Variants in MAP4K3 observed in about 807,000 individuals in gnomAD.
MAP4K3 encodes mitogen-activated protein kinase kinase kinase kinase 3, also known as MAPK/ERK kinase kinase kinase 3.
In MAP4K3, 94 loss-of-function variants were observed where a neutral mutation model predicts 143.5. The observed-to-expected ratio is 0.65, with a 90% confidence interval of 0.55 to 0.78. The LOEUF (loss-of-function observed/expected upper bound fraction) is 0.78. Among genes scored for constraint, MAP4K3 ranks in the 30% least tolerant of loss-of-function variants. The pLI is 0.00. For synonymous variants in MAP4K3, 416 were observed against 347.2 expected, an observed-to-expected ratio of 1.20 and a Z score of -2.20; for missense variants, 1,077 against 1,068.1, an observed-to-expected ratio of 1.01 and a Z score of -0.12.
chr2:39,293,120 T>C, intron 17 of MAP4K3, 110 bp downstream of exon 17: 1 of 833,834 alleles, frequency 1.2e-6, no homozygotes, highest in Non-Finnish European at 1.9e-6. Context: ...CTATCTCTAT[T>C]AAAGAAAAAA....
At chr2:39,383,234 G>A (rs758585985) in intron 1 of MAP4K3, among the ~76,000 whole-genome samples, 1 of 152,148 alleles carries the variant, frequency 6.6e-6, no homozygotes, top group African/African-American at 2.4e-5. Context: ...ATTCCGCAGG[G>A]TTGGGAAGCC....
Position 39,418,292 on chromosome 2 carries a change from C to G in MAP4K3, c.96+18600G>C, listed in dbSNP as rs550175492. 8.9e-4 allele frequency among the ~76,000 whole-genome samples: 135 copies of G among 151,626 alleles called. 1 individual carries two copies. Among genetic ancestry groups the G allele is most frequent in the African/African-American group, 3.0e-3 (124 of 41,372 alleles). ...CTCCCAATGGCTAAGTTGGAGCAATCTGGGCAACAAAATAAATCATGTAGT... is the reference window on the plus strand; with the variant it reads ...CTCCCAATGGCTAAGTTGGAGCAATGTGGGCAACAAAATAAATCATGTAGT... On this transcript the variant is annotated intron_variant, in intron 1 of 33. Coordinates refer to ENST00000263881, the MANE Select transcript of MAP4K3 (RefSeq NM_003618.4).
At chr2:39,344,783 A>G (rs780297877) in intron 3 of MAP4K3, among the ~76,000 whole-genome samples, 8 of 152,216 alleles carry the variant, frequency 5.3e-5, no homozygotes, top group Non-Finnish European at 1.0e-4. Context: ...GAAATTTACC[A>G]GGGAGAGACA....
intron 21 of MAP4K3, among the ~76,000 whole-genome samples, chr2:39,285,737 C>T (rs1681745828): frequency 6.6e-6 from 1 of 152,066 alleles, no homozygotes; most frequent in Non-Finnish European, 1.5e-5. Flanking sequence ...CTAGAAATTT[C>T]TATAAAAATA....
intron 1 of MAP4K3, among the ~76,000 whole-genome samples, chr2:39,422,052 G>C (rs1667563152): frequency 6.6e-6 from 1 of 151,068 alleles, no homozygotes; most frequent in Non-Finnish European, 1.5e-5. Flanking sequence ...CCACCAACTT[G>C]AGAAGAGGGA....
intron 1 of MAP4K3, among the ~76,000 whole-genome samples, chr2:39,428,441 A>T (rs1476986690): frequency 6.6e-6 from 1 of 152,180 alleles, no homozygotes; most frequent in Non-Finnish European, 1.5e-5. Context: ...TGGGAGGCTG[A>T]GGCAGGTGAT....
At chr2:39,417,639 G>C (rs938777588) in intron 1 of MAP4K3, among the ~76,000 whole-genome samples, 1 of 152,198 alleles carries the variant, frequency 6.6e-6, no homozygotes, top group Non-Finnish European at 1.5e-5. Flanking sequence ...AACAGATACA[G>C]ACAGAGAGAT....
intron 2 of MAP4K3, among the ~76,000 whole-genome samples, chr2:39,368,355 G>A (rs1279789723): frequency 6.6e-6 from 1 of 152,090 alleles, no homozygotes; most frequent in Non-Finnish European, 1.5e-5. Flanking sequence ...CCACCAACAA[G>A]AACAATGACA....
chr2:39,297,398 G>A (rs1028914111), intron 16 of MAP4K3, among the ~76,000 whole-genome samples: 1 of 152,268 alleles, frequency 6.6e-6, no homozygotes, highest in East Asian at 1.9e-4. Context: ...GATTACAGGC[G>A]TGAGTCACCA....
chr2:39,251,514 T>C (rs749065647), intron 33 of MAP4K3, among the ~76,000 whole-genome samples: 1 of 152,140 alleles, frequency 6.6e-6, no homozygotes, highest in Non-Finnish European at 1.5e-5. Context: ...TCAGAACAGG[T>C]CTCCAAAATC....
chr2:39,379,524 A>T (rs1328842968), intron 1 of MAP4K3, among the ~76,000 whole-genome samples: 1 of 152,112 alleles, frequency 6.6e-6, no homozygotes, highest in African/African-American at 2.4e-5. Flanking sequence ...ATAAATGATG[A>T]AATAGAAATA....
intron 1 of MAP4K3, among the ~76,000 whole-genome samples, chr2:39,394,095 G>C (rs1207454375): frequency 6.6e-6 from 1 of 152,114 alleles, no homozygotes; most frequent in Non-Finnish European, 1.5e-5. Flanking sequence ...AGAAACTTTT[G>C]TTATGCTTTA....
intron 1 of MAP4K3, among the ~76,000 whole-genome samples, chr2:39,395,759 G>A (rs1316100253): frequency 6.6e-6 from 1 of 152,058 alleles, no homozygotes; most frequent in Non-Finnish European, 1.5e-5. Flanking sequence ...ACTCAAATAT[G>A]CTACATTATA....
intron 21 of MAP4K3, among the ~76,000 whole-genome samples, chr2:39,286,228 C>T (rs1313276687): frequency 1.3e-5 from 2 of 152,184 alleles, no homozygotes; most frequent in African/African-American, 4.8e-5. Context: ...AACCTAGATC[C>T]CTTGCATGCA....
chr2:39,369,528 T>C (rs1461797479), intron 2 of MAP4K3, among the ~76,000 whole-genome samples: 1 of 152,196 alleles, frequency 6.6e-6, no homozygotes, highest in Non-Finnish European at 1.5e-5. Context: ...ACATAGAGCA[T>C]ACTACTCTAG....
At chr2:39,395,230 A>T (rs1234769786) in intron 1 of MAP4K3, among the ~76,000 whole-genome samples, 1 of 152,160 alleles carries the variant, frequency 6.6e-6, no homozygotes, top group Non-Finnish European at 1.5e-5. Context: ...GTTGTATAAA[A>T]ATTACCAAAG....
At chr2:39,298,669 T>C (rs1378654332) in intron 16 of MAP4K3, among the ~76,000 whole-genome samples, 1 of 152,064 alleles carries the variant, frequency 6.6e-6, no homozygotes, top group African/African-American at 2.4e-5. Context: ...ACTGAAATAA[T>C]ATTTTGAAAT....
At chr2:39,362,277 G>A (rs1332716944) in intron 2 of MAP4K3, among the ~76,000 whole-genome samples, 2 of 152,110 alleles carry the variant, frequency 1.3e-5, no homozygotes, top group African/African-American at 4.8e-5. Flanking sequence ...GACATCCAAA[G>A]TGAAAAGGAA....
chr2:39,400,142 G>A (rs1247961307), intron 1 of MAP4K3, among the ~76,000 whole-genome samples: 1 of 152,028 alleles, frequency 6.6e-6, no homozygotes, highest in Admixed American at 6.6e-5. Context: ...ACTGCCCAAG[G>A]GAGAACGCTA....
Sources: gnomAD v4.1 joint callset for allele counts (sites outside exome capture counted in the v4.1 genomes callset) on GRCh38, gnomAD v4.1.1 for gene constraint, MANE v1.5 for transcripts, NCBI Gene and HGNC (gene_info 2026-07-23, HGNC 2026-07-21) for gene names.